Variants in DTWD2 observed in about 807,000 individuals in gnomAD.
DTWD2 encodes the protein DTW motif tRNA-uridine aminocarboxypropyltransferase 2.
In DTWD2, 39 loss-of-function variants were observed where a neutral mutation model predicts 31.8. The observed-to-expected ratio is 1.22, with a 90% CI of 0.95 to 1.60. DTWD2 has a LOEUF of 1.60. Among genes scored for constraint, DTWD2 ranks in the 40% most tolerant of loss-of-function variants. The pLI is 0.00. For synonymous variants in DTWD2, 180 were observed against 142.8 expected, an observed-to-expected ratio of 1.26 and a Z score of -1.86; for missense variants, 515 against 381.5, an observed-to-expected ratio of 1.35 and a Z score of -2.92.
At chr5:118,875,414 G>C (rs779017660) in intron 4 of DTWD2, among the ~76,000 whole-genome samples, 1 of 151,958 alleles carries the variant, frequency 6.6e-6, no homozygotes, top group African/African-American at 2.4e-5. Flanking sequence ...ATGGCAACCT[G>C]TATAAAGAAC....
rs929152312 is a variant in DTWD2 at position 118,948,734 on chromosome 5, A to G, written c.219-4085T>C. On this transcript the variant is annotated intron_variant, in intron 1 of 5. Coordinates refer to ENST00000510708, the MANE Select transcript of DTWD2 (RefSeq NM_173666.4). ...CCCTGCACTTCGGCTGTGTGTAATG[A>G]AAAGGGTTGGGATTAGTTAGGGAGA... Among the ~76,000 whole-genome samples the G allele has an allele frequency of 3.3e-5, 5 of 152,076 alleles. No homozygotes were observed. The East Asian group carries it at 5.8e-4, about 18-fold the overall frequency.
At chr5:118,902,460 C>A (rs1415559443) in intron 4 of DTWD2, among the ~76,000 whole-genome samples, 1 of 152,050 alleles carries the variant, frequency 6.6e-6, no homozygotes, top group Non-Finnish European at 1.5e-5. Context: ...TTCTGTAAAT[C>A]AAATAATTAT....
chr5:118,885,774 A>C (rs946890052), intron 4 of DTWD2, among the ~76,000 whole-genome samples: 2 of 151,146 alleles, frequency 1.3e-5, no homozygotes, highest in African/African-American at 4.8e-5. Context: ...ATTTAAAAAA[A>C]AAAATAAAAA....
intron 4 of DTWD2, among the ~76,000 whole-genome samples, chr5:118,866,715 G>A (rs555209709): frequency 1.0e-3 from 152 of 152,100 alleles, no homozygotes; most frequent in Non-Finnish European, 1.7e-3. Context: ...TCAGGAGTTC[G>A]AGACCAGCCT....
At chr5:118,925,435 G>A (rs994884445) in intron 4 of DTWD2, among the ~76,000 whole-genome samples, 5 of 152,150 alleles carry the variant, frequency 3.3e-5, no homozygotes, top group African/African-American at 9.7e-5. Flanking sequence ...TCAAAATAGC[G>A]TGGCTAATGC....
intron 1 of DTWD2, among the ~76,000 whole-genome samples, chr5:118,949,981 C>T (rs1561467833): frequency 2.0e-5 from 3 of 151,982 alleles, no homozygotes; most frequent in South Asian, 4.2e-4. Flanking sequence ...GAGGCCAAGG[C>T]GGGCAGATCA....
intron 1 of DTWD2, among the ~76,000 whole-genome samples, chr5:118,967,891 G>T (rs1043441566): frequency 6.6e-6 from 1 of 152,114 alleles, no homozygotes; most frequent in Non-Finnish European, 1.5e-5. Context: ...AAGTCTCAAA[G>T]TAAATTCCTC....
At chr5:118,934,086 G>C (rs1196263958) in intron 3 of DTWD2, among the ~76,000 whole-genome samples, 4 of 150,352 alleles carry the variant, frequency 2.7e-5, no homozygotes, top group African/African-American at 7.3e-5. Context: ...TCTTAGGTGT[G>C]AATCTATTAA....
intron 1 of DTWD2, among the ~76,000 whole-genome samples, chr5:118,967,687 C>A (rs1336881679): frequency 2.0e-5 from 3 of 151,902 alleles, no homozygotes; most frequent in African/African-American, 7.3e-5. Context: ...CAGATATAAG[C>A]AAATAACTGA....
At chr5:118,953,203 T>A (rs1346324410) in intron 1 of DTWD2, among the ~76,000 whole-genome samples, 1 of 151,806 alleles carries the variant, frequency 6.6e-6, no homozygotes, top group Non-Finnish European at 1.5e-5. Flanking sequence ...GAGTAAGGAG[T>A]GAGGGGGTGA....
At chr5:118,953,893 G>A (rs925450685) in intron 1 of DTWD2, among the ~76,000 whole-genome samples, 1 of 152,126 alleles carries the variant, frequency 6.6e-6, no homozygotes. Flanking sequence ...CTAGCAACTG[G>A]TGCTCTGCCT....
intron 4 of DTWD2, among the ~76,000 whole-genome samples, chr5:118,897,956 T>C (rs182432003): frequency 6.6e-6 from 1 of 152,264 alleles, no homozygotes; most frequent in East Asian, 1.9e-4. Flanking sequence ...CTTGACTTCC[T>C]GAGCTCAGGT....
intron 4 of DTWD2, among the ~76,000 whole-genome samples, chr5:118,865,297 T>C (rs1245698048): frequency 6.6e-6 from 1 of 152,226 alleles, no homozygotes; most frequent in Admixed American, 6.5e-5. Context: ...TCTTATACTT[T>C]ATGCAAATAC....
chr5:118,849,245 C>T (rs938232342), intron 4 of DTWD2, among the ~76,000 whole-genome samples: 8 of 152,132 alleles, frequency 5.3e-5, no homozygotes, highest in African/African-American at 1.7e-4. Context: ...CAAAAGTATA[C>T]ATTTATGTGG....
chr5:118,842,468 GC>G (rs1214754356), intron 5 of DTWD2, among the ~76,000 whole-genome samples: 1 of 152,076 alleles, frequency 6.6e-6, no homozygotes, highest in African/African-American at 2.4e-5. Flanking sequence ...GAAGATTAAA[GC>G]CAAATACAAA....
intron 4 of DTWD2, among the ~76,000 whole-genome samples, chr5:118,871,302 T>C (rs190303946): frequency 6.6e-4 from 100 of 152,354 alleles, no homozygotes; most frequent in Admixed American, 1.7e-3. Flanking sequence ...AATCAACTTC[T>C]TCCAAACTCC....
At chr5:118,942,319 G>T (rs1754225346) in intron 2 of DTWD2, among the ~76,000 whole-genome samples, 1 of 152,056 alleles carries the variant, frequency 6.6e-6, no homozygotes, top group South Asian at 2.1e-4. Context: ...GACCTGCCTG[G>T]GCAATATAGC....
chr5:118,925,471 G>T lies in DTWD2; in HGVS notation c.597+3066C>A, dbSNP rs557293488. Among the ~76,000 whole-genome samples the T allele has an allele frequency of 2.0e-5, 3 of 152,238 alleles. No individual in the cohort carries two copies. The South Asian group carries it at 6.2e-4, about 32-fold the overall frequency. On this transcript the variant is annotated intron_variant, in intron 4 of 5. Coordinates refer to ENST00000510708, the MANE Select transcript of DTWD2 (RefSeq NM_173666.4). ...TCTTTTATCACGATTCCAAAAATCA[G>T]AAATAAAAGTAAAATAATGATGAAA...
At chr5:118,975,322 C>T (rs1755127881) in intron 1 of DTWD2, among the ~76,000 whole-genome samples, 2 of 152,190 alleles carry the variant, frequency 1.3e-5, no homozygotes, top group Middle Eastern at 3.4e-3. Flanking sequence ...GATTTGGCTA[C>T]TGATACTTGT....
Sources: gnomAD v4.1 joint callset for allele counts (sites outside exome capture counted in the v4.1 genomes callset) on GRCh38, gnomAD v4.1.1 for gene constraint, MANE v1.5 for transcripts, NCBI Gene and HGNC (gene_info 2026-07-23, HGNC 2026-07-21) for gene names.